The following HMCN2 variants were observed in gnomAD, a reference collection of about 807,000 sequenced individuals.
HMCN2 encodes hemicentin 2, also known as hemicentin-2.
A neutral mutation model predicts 377.5 loss-of-function variants in HMCN2; 325 were observed. The ratio of observed to expected loss-of-function variants is 0.86; its 90% CI spans 0.79 to 0.94. The LOEUF is 0.94. Ranked by LOEUF, HMCN2 falls within the 40% of genes least tolerant of loss-of-function variation. The pLI is 0.00. For synonymous variants in HMCN2, 2,007 were observed against 2,046.8 expected (o/e 0.98, Z 0.53); for missense variants, 4,543 against 4,725.3 (o/e 0.96, Z 1.13).
At chr9:130,398,153 C>CAAAAAAA (rs397940740) in intron 74 of HMCN2, among the ~76,000 whole-genome samples, 13 of 33,888 alleles carry the variant, frequency 3.8e-4, no homozygotes, top group East Asian at 9.6e-4. Flanking sequence ...ACTCCGTCTA[C>CAAAAAAA]AAAAAAAAAA....
chr9:130,361,254 G>T lies in HMCN2; in HGVS notation c.5950+650G>T, dbSNP rs1840372664. Among the ~76,000 whole-genome samples, 1 of 152,218 alleles carries T rather than the reference G, an allele frequency of 6.6e-6. No individual in the cohort carries two copies. Among genetic ancestry groups the T allele is most frequent in the Non-Finnish European group, 1.5e-5 (1 of 68,034 alleles). ...CTTGATGTCAATTGTGATAGCAGCTGGTGAACATGAGGTGCAACGGAGCAC... is the reference window on the plus strand; with the variant it reads ...CTTGATGTCAATTGTGATAGCAGCTTGTGAACATGAGGTGCAACGGAGCAC... On this transcript the variant is annotated intron_variant, in intron 38 of 97. Coordinates refer to ENST00000683500, the MANE Select transcript of HMCN2 (RefSeq NM_001291815.2). This position sits in a 1 kb window ranked among gnomAD's most constrained non-coding sequence, Gnocchi z 4.8.
At chr9:130,371,162 A>T in intron 46 of HMCN2, 31 bp downstream of exon 46, 1 of 984,892 alleles carries the variant, frequency 1.0e-6, no homozygotes, top group Non-Finnish European at 1.2e-6. Context: ...GGATCCTGGG[A>T]ATCAGGTCGG....
At chr9:130,378,864 G>T (rs1018929242) in intron 53 of HMCN2, among the ~76,000 whole-genome samples, 16 of 152,280 alleles carry the variant, frequency 1.1e-4, no homozygotes, top group African/African-American at 3.9e-4. Flanking sequence ...AAATGCAGGT[G>T]ATCAGAGCAG....
In HMCN2 at chr9:130,399,553, C is replaced by G; in HGVS notation, c.11526C>G (p.Pro3842=). The G allele has an allele frequency of 7.8e-7, 1 of 1,289,706 alleles. No individual in the cohort carries two copies. Among genetic ancestry groups the G allele is most frequent in the Non-Finnish European group, 1.0e-6 (1 of 988,754 alleles). The allele number at this position is 1,289,706 out of a possible 1,614,324, so 79.9% of individuals were successfully genotyped here. A position where few individuals can be genotyped will look rare whatever the true frequency, so the allele number is the denominator to read the frequency against. ...CCCTGCTCCTCACGGCCCCCGGCCC[C>G]CAGGACTCAGCCCAGTTTGAATGCG... The part of the protein sequence containing the change: ...SNALLLTAPG[P]QDSAQFECVV... The change falls in exon 76 of 98, where the codon CCC becomes CCG. Residue 3842 remains proline (P), a synonymous_variant. Transcript: ENST00000683500.
At chr9:130,377,902 C>T in intron 53 of HMCN2, 103 bp downstream of exon 53, 1 of 876,378 alleles carries the variant, frequency 1.1e-6, no homozygotes, top group Non-Finnish European at 1.4e-6. Flanking sequence ...AGCTCACGCG[C>T]CACCCGTGGC....
In HMCN2 at chr9:130,306,830, G is replaced by T. The variant is rs1554936970; in HGVS notation, c.1978G>T (p.Gly660Ter). The T allele has an allele frequency of 1.1e-5, 5 of 470,302 alleles. No individual in the cohort carries two copies. The highest frequency in any genetic ancestry group is 1.8e-5 in the Non-Finnish European group (4 of 226,494). 29.1% of individuals were successfully genotyped at this position (470,302 alleles called of 1,614,324 possible). ...EDSRIHVDAQGTLIIQGVAPE... is the reference protein window; with the variant it reads ...EDSRIHVDAQ ...TTCTAGAATCCATGTGGACGCACAG[G>T]GAACCCTGATTATTCAGGGGGTAGC... is the stretch of plus-strand genomic sequence containing the variant. The change falls in exon 13 of 98, where the codon GGA (glycine) becomes TGA (stop). Residue 660 changes from glycine (G) to a stop codon, truncating the protein, a stop_gained. Transcript: ENST00000683500. LOFTEE classifies it high-confidence loss of function.
chr9:130,338,232 C>T (rs2131465443), intron 23 of HMCN2: 1 of 153,008 alleles, frequency 6.5e-6, no homozygotes, highest in South Asian at 2.1e-4. Context: ...CTCCACCTCT[C>T]CCCATACCCC....
chr9:130,416,926 A>T (rs1453965178), intron 85 of HMCN2, among the ~76,000 whole-genome samples: 1 of 151,528 alleles, frequency 6.6e-6, no homozygotes, highest in African/African-American at 2.4e-5. Context: ...TTATTTATTT[A>T]TTTAGAGATG....
rs1842602858 is a variant in HMCN2 at position 130,396,219 on chromosome 9, C to A, written c.11104C>A (p.Gln3702Lys). 7.8e-7 allele frequency: 1 copy of A among 1,286,242 alleles called. No homozygotes were observed. The highest frequency in any genetic ancestry group is 1.0e-6 in the Non-Finnish European group (1 of 985,878). 79.7% of individuals were successfully genotyped at this position (1,286,242 alleles called of 1,614,324 possible). A position where few individuals can be genotyped will look rare whatever the true frequency, so the allele number is the denominator to read the frequency against. ...GPPAVNVSVN[Q>K]TALLPCQADG... ...ACCTGCAGTGAACGTCTCAGTGAAC[C>A]AGACAGCCCTGCTGCCTTGCCAGGC... The change falls in exon 73 of 98, where the codon CAG (glutamine) becomes AAG (lysine). Residue 3702 changes from glutamine (Q) to lysine (K), a missense_variant. By Grantham distance (53) the Gln-to-Lys change is moderately conservative. Transcript: ENST00000683500.
At position 130,349,001 on chromosome 9, in the gene HMCN2, C is replaced by T; in HGVS notation, c.4173C>T (p.Gly1391=). 1 of 1,304,068 alleles carries T rather than the reference C, an allele frequency of 7.7e-7. No individual in the cohort carries two copies. The highest frequency in any genetic ancestry group is 1.0e-6 in the Non-Finnish European group (1 of 988,886). The allele number at this position is 1,304,068 out of a possible 1,614,324, so 80.8% of individuals were successfully genotyped here. A position where few individuals can be genotyped will look rare whatever the true frequency, so the allele number is the denominator to read the frequency against. Residue 1391 remains glycine (G), a synonymous_variant, in exon 28 of 98, where the codon GGC becomes GGT. Transcript: ENST00000683500. Reference sequence around the variant, plus strand: ...CTACCCAGATTCCTAAGGTGGGCGGCCACCGCCTCCTGGACGAGGGCCAGT... The same window carrying T: ...CTACCCAGATTCCTAAGGTGGGCGGTCACCGCCTCCTGGACGAGGGCCAGT... ...KDAQLIPKVG[G]HRLLDEGQSL...
At chr9:130,373,548 T>C (rs1841160684) in intron 48 of HMCN2, among the ~76,000 whole-genome samples, 1 of 129,872 alleles carries the variant, frequency 7.7e-6, no homozygotes, top group Non-Finnish European at 1.5e-5. Context: ...TAGGCTCCCA[T>C]TCGTGCTTAT....
chr9:130,429,505 G>A (rs1430464896), intron 93 of HMCN2, 52 bp from the exon 94 acceptor site: 9 of 1,547,648 alleles, frequency 5.8e-6, no homozygotes, highest in African/African-American at 4.1e-5. Context: ...TCCCTTGGGG[G>A]AGGGGCCCTG....
At position 130,299,009 on chromosome 9, in the gene HMCN2, C is replaced by T. The variant is rs1554933139; in HGVS notation, c.1013-16C>T. Reference sequence around the variant, plus strand: ...ACACTGACGCCAGCACTTTGTTCTTCACCTTCCCTCTGCAGGAGTCCCCAT... The same window carrying T: ...ACACTGACGCCAGCACTTTGTTCTTTACCTTCCCTCTGCAGGAGTCCCCAT... On this transcript the variant is annotated splice_polypyrimidine_tract_variant and intron_variant, in intron 7 of 97. Coordinates refer to ENST00000683500, the MANE Select transcript of HMCN2 (RefSeq NM_001291815.2). 2.2e-6 allele frequency: 1 copy of T among 463,748 alleles called. No individual in the cohort carries two copies. The highest frequency in any genetic ancestry group is 4.5e-6 in the Non-Finnish European group (1 of 222,002). 28.7% of individuals were successfully genotyped at this position (463,748 alleles called of 1,614,324 possible).
intron 84 of HMCN2, among the ~76,000 whole-genome samples, chr9:130,409,663 C>G (rs547351235): frequency 1.6e-3 from 246 of 152,332 alleles, no homozygotes; most frequent in Non-Finnish European, 2.5e-3. Context: ...AAGCATTATT[C>G]CATGTGATGC....
chr9:130,387,324 T>A (rs190274294), intron 61 of HMCN2, among the ~76,000 whole-genome samples: 4 of 152,160 alleles, frequency 2.6e-5, no homozygotes, highest in African/African-American at 7.2e-5. Flanking sequence ...TTAACTCTTA[T>A]TCAAAAGCCC....
intron 22 of HMCN2, among the ~76,000 whole-genome samples, chr9:130,332,964 T>G (rs1325672550): frequency 6.7e-6 from 1 of 149,592 alleles, no homozygotes; most frequent in East Asian, 2.0e-4. Context: ...AAAACAGCAA[T>G]GTGGGAGACA....
chr9:130,334,707 T>TTC (rs1200391421), intron 22 of HMCN2, among the ~76,000 whole-genome samples: 7 of 139,772 alleles, frequency 5.0e-5, no homozygotes, highest in East Asian at 4.0e-4. Flanking sequence ...CTTTCTTTCT[T>TTC]TCTCTCTCTC....
intron 53 of HMCN2, 43 bp from the exon 54 acceptor site, chr9:130,379,206 C>T (rs1841565293): frequency 2.7e-6 from 2 of 740,104 alleles, no homozygotes; most frequent in Non-Finnish European, 1.7e-6. Flanking sequence ...GCATTCCCCA[C>T]CCCTCTGCTG....
intron 43 of HMCN2, among the ~76,000 whole-genome samples, chr9:130,367,942 A>C (rs1321182798): frequency 6.4e-3 from 242 of 37,994 alleles, no homozygotes; most frequent in African/African-American, 0.02. Flanking sequence ...ACTCTGTCTC[A>C]AAAAAAAAAA....
Sources: allele counts gnomAD v4.1 joint callset (sites outside exome capture counted in the v4.1 genomes callset), GRCh38; gene constraint gnomAD v4.1.1; non-coding constraint Gnocchi (gnomAD v3.1); transcripts MANE v1.5; gene names NCBI Gene and HGNC (gene_info 2026-07-23, HGNC 2026-07-21).